YIPF7: variants seen among roughly 807,000 people sequenced by gnomAD.
YIPF7 encodes the protein protein YIPF7.
Under a neutral mutation model 27.2 loss-of-function variants are expected in YIPF7, and 35 were observed. The ratio of observed to expected loss-of-function variants is 1.29; its 90% CI spans 0.98 to 1.70. The LOEUF (loss-of-function observed/expected upper bound fraction) is 1.70, where lower values mean the gene tolerates loss of function less well. Among genes scored for constraint, YIPF7 ranks in the 40% most tolerant of loss-of-function variants. YIPF7 has a pLI of 0.00. For missense variants in YIPF7, 358 were observed against 303.7 expected (o/e 1.18, Z -1.33); for synonymous variants, 137 against 110.4 (o/e 1.24, Z -1.51).
intron 3 of YIPF7, among the ~76,000 whole-genome samples, chr4:44,631,430 T>A (rs2109581564): frequency 6.6e-6 from 1 of 152,250 alleles, no homozygotes; most frequent in Middle Eastern, 3.4e-3. Context: ...AAGTTGACTT[T>A]TCTGTACACA....
chr4:44,654,002 A>G (rs1053444572), upstream of YIPF7, among the ~76,000 whole-genome samples: 5 of 152,240 alleles, frequency 3.3e-5, no homozygotes, highest in Non-Finnish European at 5.9e-5. Flanking sequence ...AATGAATTAC[A>G]GGAATATATG....
At position 44,624,684 on chromosome 4, in the gene YIPF7, C is replaced by T. The variant is rs375672898; in HGVS notation, c.525G>A (p.Ser175=). Reference sequence around the variant, plus strand: ...CCAGCACGCTGGCCACACAGCCGTACGACACCCCTGAAGAGCTCATCAGGT... The same window carrying T: ...CCAGCACGCTGGCCACACAGCCGTATGACACCCCTGAAGAGCTCATCAGGT... ...LLNLMSSSGV[S]YGCVASVLGY... is the part of the protein sequence containing the mutation. Residue 175 remains serine, a synonymous_variant, in exon 5 of 6, where the codon TCG becomes TCA. Transcript: ENST00000415895. 45 of 1,608,682 alleles carry T rather than the reference C, an allele frequency of 2.8e-5. No homozygotes were observed. The East Asian group carries it at 5.4e-4, about 19-fold the overall frequency.
intron 3 of YIPF7, among the ~76,000 whole-genome samples, chr4:44,634,642 A>G (rs1713042887): frequency 6.6e-6 from 1 of 152,246 alleles, no homozygotes; most frequent in Non-Finnish European, 1.5e-5. Flanking sequence ...TAAAGTATGC[A>G]TGTATATTCA....
At chr4:44,641,777 A>T (rs1713334148) in intron 2 of YIPF7, among the ~76,000 whole-genome samples, 1 of 152,228 alleles carries the variant, frequency 6.6e-6, no homozygotes, top group African/African-American at 2.4e-5. Flanking sequence ...ACTCAAATGT[A>T]TGCTCATTAA....
chr4:44,653,330 A>G (rs887933772), upstream of YIPF7, among the ~76,000 whole-genome samples: 1 of 152,058 alleles, frequency 6.6e-6, no homozygotes, highest in Non-Finnish European at 1.5e-5. Context: ...ATAAAATGTG[A>G]TGATTCCGTA....
intron 2 of YIPF7, among the ~76,000 whole-genome samples, chr4:44,658,442 G>T (rs1422696040): frequency 6.6e-6 from 1 of 152,214 alleles, no homozygotes; most frequent in East Asian, 1.9e-4. Flanking sequence ...TTTTATTGAA[G>T]CCTGAATAGA....
intron 1 of YIPF7, among the ~76,000 whole-genome samples, chr4:44,650,507 G>GCGCGCACACACA (rs6148421): frequency 2.1e-3 from 282 of 137,180 alleles, no homozygotes; most frequent in Admixed American, 4.3e-3. Flanking sequence ...GCGCGCGCGC[G>GCGCGCACACACA]CACACACACA....
At chr4:44,647,419 G>C (rs936932193) in intron 2 of YIPF7, among the ~76,000 whole-genome samples, 2 of 152,014 alleles carry the variant, frequency 1.3e-5, no homozygotes, top group African/African-American at 2.4e-5. Context: ...TGGAAAAGAG[G>C]GTTGAGAAAA....
intron 2 of YIPF7, among the ~76,000 whole-genome samples, chr4:44,657,644 G>A (rs1397816688): frequency 6.6e-6 from 1 of 152,104 alleles, no homozygotes; most frequent in Admixed American, 6.5e-5. Flanking sequence ...TTAGACCATT[G>A]CAGTCTTTCC....
intron 2 of YIPF7, among the ~76,000 whole-genome samples, chr4:44,643,598 T>C (rs1462193280): frequency 2.6e-5 from 4 of 152,152 alleles, no homozygotes; most frequent in African/African-American, 9.6e-5. Flanking sequence ...AAGGCCTTTG[T>C]GTCAGTCCTT....
intron 2 of YIPF7, among the ~76,000 whole-genome samples, chr4:44,658,558 G>A (rs1239965106): frequency 3.3e-5 from 5 of 152,156 alleles, no homozygotes; most frequent in Non-Finnish European, 7.3e-5. Flanking sequence ...TATACCGGGG[G>A]AATGAAGCTT....
chr4:44,625,454 A>C (rs750244079), intron 4 of YIPF7, among the ~76,000 whole-genome samples: 67 of 152,196 alleles, frequency 4.4e-4, no homozygotes, highest in Non-Finnish European at 9.0e-4. Flanking sequence ...ATCCCAAAAT[A>C]ATGGCACATA....
intron 2 of YIPF7, among the ~76,000 whole-genome samples, chr4:44,660,113 CAAA>C (rs11461675): frequency 8.6e-4 from 22 of 25,518 alleles, no homozygotes; most frequent in South Asian, 2.6e-3. Flanking sequence ...GACTCTGTCT[CAAA>C]AAAAAAAAAA....
Position 44,622,561 on chromosome 4 carries a change from G to A in YIPF7, c.624C>T (p.Ile208=), listed in dbSNP as rs745725182. 161 of 1,613,236 alleles carry A rather than the reference G, an allele frequency of 1.0e-4. No individual in the cohort carries two copies. In the East Asian group the frequency reaches 3.5e-3, roughly 35 times the overall value. ...AGCCAATGATGACCAGGGATGACAT[G>A]ATTCCAAAGATGCCCCTGCAGCAAA... ...MFFSLQGIFG[I]MSSLVIIGWC... Residue 208 remains isoleucine, a synonymous_variant, in exon 6 of 6, where the codon ATC becomes ATT. Coordinates refer to ENST00000415895, the MANE Select transcript of YIPF7 (RefSeq NM_182592.3).
intron 2 of YIPF7, among the ~76,000 whole-genome samples, chr4:44,659,343 T>C (rs956699566): frequency 6.9e-6 from 1 of 144,314 alleles, no homozygotes; most frequent in Non-Finnish European, 1.6e-5. Flanking sequence ...CAAAGACATA[T>C]TAGTTTAGGA....
chr4:44,635,770 G>T, intron 3 of YIPF7, 152 bp downstream of exon 3: 1 of 863,202 alleles, frequency 1.2e-6, no homozygotes, highest in Non-Finnish European at 1.7e-6. Context: ...ACTTCCAATG[G>T]TTTAAGGGTT....
chr4:44,652,610 A>G (rs1172562373), upstream of YIPF7, among the ~76,000 whole-genome samples: 1 of 152,130 alleles, frequency 6.6e-6, no homozygotes, highest in Non-Finnish European at 1.5e-5. Flanking sequence ...TTCTTACATC[A>G]CTAGTCAGGC....
At chr4:44,652,870 A>G (rs1713777975), upstream of YIPF7, among the ~76,000 whole-genome samples, 1 of 152,158 alleles carries the variant, frequency 6.6e-6, no homozygotes, top group Non-Finnish European at 1.5e-5. Flanking sequence ...GAGATTGAAT[A>G]ATTTTCCCAA....
chr4:44,623,824 C>T (rs968875370), intron 5 of YIPF7, among the ~76,000 whole-genome samples: 1 of 152,046 alleles, frequency 6.6e-6, no homozygotes, highest in African/African-American at 2.4e-5. Context: ...CATTAATATC[C>T]TCATCAGGGT....
Sources: allele counts gnomAD v4.1 joint callset (sites outside exome capture counted in the v4.1 genomes callset), GRCh38; gene constraint gnomAD v4.1.1; transcripts MANE v1.5; gene names NCBI Gene and HGNC (gene_info 2026-07-23, HGNC 2026-07-21).